The following LPO variants were observed in gnomAD, a reference collection of about 807,000 sequenced individuals.
LPO encodes the protein salivary peroxidase.
A neutral mutation model predicts 68.4 loss-of-function variants in LPO; 70 were observed. The observed-to-expected ratio is 1.02, with a 90% CI of 0.84 to 1.25. The LOEUF is 1.25. Among genes scored for constraint, LPO ranks in the 50% most tolerant of loss-of-function variants. The pLI, the probability that LPO is intolerant of heterozygous loss-of-function variation, is 0.00. For synonymous variants in LPO, 360 were observed against 357.6 expected (o/e 1.01, Z -0.08); for missense variants, 873 against 908.4 (o/e 0.96, Z 0.50).
chr17:58,251,823 A>G, intron 7 of LPO: 1 of 551,430 alleles, frequency 1.8e-6, no homozygotes, highest in Non-Finnish European at 3.5e-6. Flanking sequence ...TGGTAAGTCC[A>G]AAATAAATAC....
In LPO at chr17:58,252,169, A is replaced by ACT; in HGVS notation, c.781-6_781-5dup. ...CACCCCTGCCCAGTCACTTATGCCC[A>ACT]CTCTCTCTGCAGTTCCCACCCAATG... is the stretch of plus-strand genomic sequence containing the variant. On this transcript the variant is annotated splice_polypyrimidine_tract_variant and intron_variant, in intron 7 of 12. Transcript: ENST00000262290. 6.2e-7 allele frequency: 1 copy of ACT among 1,611,086 alleles called. No individual in the cohort carries two copies. The highest frequency in any genetic ancestry group is 1.1e-5 in the South Asian group (1 of 90,880).
chr17:58,258,485 T>G (rs933807293), intron 9 of LPO, among the ~76,000 whole-genome samples: 4 of 152,220 alleles, frequency 2.6e-5, no homozygotes, highest in African/African-American at 4.8e-5. Context: ...TTCTCTATTC[T>G]GTTACATTGG....
intron 1 of LPO, 147 bp from the exon 2 acceptor site, chr17:58,242,831 A>C: frequency 1.5e-6 from 1 of 656,860 alleles, no homozygotes; most frequent in Non-Finnish European, 2.7e-6. Flanking sequence ...TGTATGGTAG[A>C]TGCTTCATTC....
At position 58,254,656 on chromosome 17, in the gene LPO, C is replaced by T. The variant is rs75673959; in HGVS notation, c.1106-155C>T. The T allele has an allele frequency of 3.6e-3, 2,348 of 645,100 alleles. 97 individuals are homozygous for T. In the East Asian group the frequency reaches 0.064, roughly 17 times the overall value. 40.0% of individuals were successfully genotyped at this position (645,100 alleles called of 1,614,324 possible). On this transcript the variant is annotated intron_variant, in intron 8 of 12. Transcript: ENST00000262290. Reference sequence around the variant, plus strand: ...AGTCAAACCTATGATTCAGTACCCCCTCCCCATCCCTATTCACCTGACGGG... The same window carrying T: ...AGTCAAACCTATGATTCAGTACCCCTTCCCCATCCCTATTCACCTGACGGG...
chr17:58,239,811 T>A (rs1242683365), intron 1 of LPO, among the ~76,000 whole-genome samples: 1 of 152,182 alleles, frequency 6.6e-6, no homozygotes, highest in Non-Finnish European at 1.5e-5. Flanking sequence ...TGAGTCAGAA[T>A]CTGCATTTAC....
At chr17:58,250,284 C>A in intron 6 of LPO, 131 bp from the exon 7 acceptor site, 1 of 735,788 alleles carries the variant, frequency 1.4e-6, no homozygotes, top group Admixed American at 2.0e-5. Context: ...TAATGCCACC[C>A]ACCTCACAAA....
intron 9 of LPO, among the ~76,000 whole-genome samples, chr17:58,263,336 T>C (rs1398782033): frequency 2.6e-5 from 4 of 152,222 alleles, no homozygotes; most frequent in Admixed American, 2.6e-4. Flanking sequence ...CAGTTGATTG[T>C]CTGTTTACTC....
intron 8 of LPO, among the ~76,000 whole-genome samples, chr17:58,254,103 C>A (rs1970014741): frequency 6.7e-6 from 1 of 149,542 alleles, no homozygotes; most frequent in African/African-American, 2.5e-5. Context: ...CAGAGCAAGA[C>A]TGTCCAGATA....
intron 7 of LPO, 76 bp from the exon 8 acceptor site, chr17:58,252,106 A>T (rs1269258870): frequency 7.2e-7 from 1 of 1,385,614 alleles, no homozygotes; most frequent in Admixed American, 1.7e-5. Flanking sequence ...TTGCATCCAG[A>T]CTTGCCCTGG....
intron 5 of LPO, 143 bp downstream of exon 5, chr17:58,249,320 A>C: frequency 1.1e-6 from 1 of 880,378 alleles, no homozygotes. Context: ...CCACCTTCTC[A>C]AGATCGCGCG....
intron 2 of LPO, chr17:58,243,634 C>A: frequency 3.1e-6 from 1 of 320,446 alleles, no homozygotes; most frequent in Non-Finnish European, 5.9e-6. Context: ...ATCAGTGGGT[C>A]CTCTTTGATG....
chr17:58,248,967 T>C, intron 4 of LPO, 93 bp from the exon 5 acceptor site: 1 of 914,734 alleles, frequency 1.1e-6, no homozygotes, highest in Admixed American at 1.7e-5. Flanking sequence ...TTCCAAAACA[T>C]GCAGGTTCAC....
Position 58,242,131 on chromosome 17 carries a change from C to T in LPO, c.-2-847C>T, listed in dbSNP as rs572397074. Among the ~76,000 whole-genome samples the T allele has an allele frequency of 2.1e-4, 32 of 152,320 alleles. 1 individual carries two copies. The South Asian group carries it at 5.4e-3, about 26-fold the overall frequency. Reference sequence around the variant, plus strand: ...TCCATCTGCACGCTGTGGCTGCCACCCCGGGCTGGAGCCAGAATCTCCTCA... The same window carrying T: ...TCCATCTGCACGCTGTGGCTGCCACTCCGGGCTGGAGCCAGAATCTCCTCA... On this transcript the variant is annotated intron_variant, in intron 1 of 12. Coordinates refer to ENST00000262290, the MANE Select transcript of LPO (RefSeq NM_006151.3).
intron 1 of LPO, among the ~76,000 whole-genome samples, chr17:58,241,067 A>G (rs1476729441): frequency 6.7e-6 from 1 of 150,066 alleles, no homozygotes; most frequent in African/African-American, 2.5e-5. Flanking sequence ...AATGACTAGG[A>G]TGCTAAATTT....
In LPO at chr17:58,252,485, C is replaced by T. The variant is rs749533263; in HGVS notation, c.1084C>T (p.Arg362Cys). Residue 362 changes from arginine (R) to cysteine (C), a missense_variant, in exon 8 of 13, where the codon CGT (arginine) becomes TGT (cysteine). Coordinates refer to ENST00000262290, the MANE Select transcript of LPO (RefSeq NM_006151.3). ...SPCEFINTTA[R>C]VPCFLAGDSR... Reference sequence around the variant, plus strand: ...CTGTGAGTTCATCAACACCACTGCCCGTGTGCCCTGCTTCCTGGCAGGTGA... The same window carrying T: ...CTGTGAGTTCATCAACACCACTGCCTGTGTGCCCTGCTTCCTGGCAGGTGA... 10 of 1,612,042 alleles carry T rather than the reference C, an allele frequency of 6.2e-6. No homozygotes were observed. The highest frequency in any genetic ancestry group is 3.3e-5 in the Admixed American group (2 of 59,976).
rs1439112601 is a variant in LPO, at chr17:58,264,866, G to T, written c.1411G>T (p.Val471Phe). The T allele has an allele frequency of 6.2e-7, 1 of 1,614,180 alleles. No individual in the cohort carries two copies. Among genetic ancestry groups the T allele is most frequent in the Non-Finnish European group, 8.5e-7 (1 of 1,180,048 alleles). The change falls in exon 10 of 13, where the codon GTC becomes TTC. Residue 471 changes from valine (V) to phenylalanine (F), a missense_variant. By Grantham distance (50) the Val-to-Phe change is conservative. Transcript: ENST00000262290. ...TFAFRFGHLE[V>F]PSSMFRLDEN... Reference sequence around the variant, plus strand: ...CGCCTTCCGCTTTGGCCACTTGGAGGTCCCCTCTAGTATGTTCCGCCTGGA... The same window carrying T: ...CGCCTTCCGCTTTGGCCACTTGGAGTTCCCCTCTAGTATGTTCCGCCTGGA...
chr17:58,255,663 C>T (rs1970057355), intron 9 of LPO, among the ~76,000 whole-genome samples: 1 of 152,012 alleles, frequency 6.6e-6, no homozygotes, highest in Non-Finnish European at 1.5e-5. Flanking sequence ...GGGCCTCCCT[C>T]CCTGCAGATT....
At chr17:58,251,974 C>A in intron 7 of LPO, 1 of 757,526 alleles carries the variant, frequency 1.3e-6, no homozygotes, top group Non-Finnish European at 2.4e-6. Context: ...ACCCTCAGTT[C>A]TTTCACACAA....
intron 3 of LPO, among the ~76,000 whole-genome samples, chr17:58,247,251 T>C (rs893189577): frequency 6.6e-6 from 1 of 152,214 alleles, no homozygotes; most frequent in Non-Finnish European, 1.5e-5. Flanking sequence ...CACCTGGCTA[T>C]TGAGCACTTG....
Sources: allele counts gnomAD v4.1 joint callset (sites outside exome capture counted in the v4.1 genomes callset), GRCh38; gene constraint gnomAD v4.1.1; transcripts MANE v1.5; gene names NCBI Gene and HGNC (gene_info 2026-07-23, HGNC 2026-07-21).